JARID2: variants seen among roughly 807,000 people sequenced by gnomAD.
The protein encoded by JARID2 is protein Jumonji.
JARID2 carries 21 observed loss-of-function variants against 125.6 expected under a neutral mutation model. That is an observed-to-expected ratio of 0.17 (90% CI 0.12 to 0.24). The LOEUF is 0.24. Ranked by LOEUF, JARID2 falls within the 10% of genes least tolerant of loss-of-function variation. The probability of loss-of-function intolerance (pLI) is 1.00; values close to 1 mark genes in which losing one functional copy is unlikely to be tolerated. For missense variants in JARID2, 1,303 were observed against 1,639.6 expected, an observed-to-expected ratio of 0.79 and a Z score of 3.55; for synonymous variants, 736 against 661.6, an observed-to-expected ratio of 1.11 and a Z score of -1.73.
rs773817512 is a variant in JARID2 at position 15,496,498 on chromosome 6, C to T, written c.1273C>T (p.Arg425Trp). ...GTCATGCACTAAGGAGGTGGGGGGGCGGCAGCTGCGGGAGGGCCTGCAGCT... is the reference window on the plus strand; with the variant it reads ...GTCATGCACTAAGGAGGTGGGGGGGTGGCAGCTGCGGGAGGGCCTGCAGCT... Reference protein sequence around the residue: ...PKSCTKEVGGRQLREGLQLRE... With the variant: ...PKSCTKEVGGWQLREGLQLRE... The change falls in exon 7 of 18, where the codon CGG becomes TGG. Residue 425 changes from arginine (R) to tryptophan (W), a missense_variant. Transcript: ENST00000341776. 8.7e-6 allele frequency: 14 copies of T among 1,605,268 alleles called. No homozygotes were observed. The highest frequency in any genetic ancestry group is 1.1e-5 in the South Asian group (1 of 90,078).
At chr6:15,431,750 A>G (rs1434004329) in intron 3 of JARID2, among the ~76,000 whole-genome samples, 1 of 152,228 alleles carries the variant, frequency 6.6e-6, no homozygotes, top group African/African-American at 2.4e-5. Flanking sequence ...ATGACCCCAT[A>G]GATTTTTTTC....
intron 1 of JARID2, among the ~76,000 whole-genome samples, chr6:15,317,151 G>T (rs576875835): frequency 3.1e-4 from 47 of 152,242 alleles, no homozygotes; most frequent in African/African-American, 1.0e-3. Context: ...TTTAGCAGTA[G>T]AATTTTTTTT....
chr6:15,434,132 C>T (rs914769950), intron 3 of JARID2, among the ~76,000 whole-genome samples: 5 of 134,568 alleles, frequency 3.7e-5, no homozygotes, highest in African/African-American at 1.2e-4. Context: ...TCACTGTGTT[C>T]CTAACAGTTT....
At chr6:15,476,093 C>T (rs1169516324) in intron 5 of JARID2, among the ~76,000 whole-genome samples, 1 of 152,198 alleles carries the variant, frequency 6.6e-6, no homozygotes, top group Admixed American at 6.5e-5. Flanking sequence ...AATCTAGCAA[C>T]ATCTGTATCC....
rs192138805 is a variant in JARID2 at position 15,415,007 on chromosome 6, G to A, written c.323+4642G>A. 2.3e-3 allele frequency among the ~76,000 whole-genome samples: 357 copies of A among 152,248 alleles called. 1 individual carries two copies. The highest frequency in any genetic ancestry group is 7.8e-3 in the African/African-American group (322 of 41,528). On this transcript the variant is annotated intron_variant, in intron 3 of 17. Transcript: ENST00000341776. ...CCTGGGTACTTGAGATTAGGGAGTG[G>A]TGATGACTCTTAACGAGCATGCTGC...
chr6:15,319,566 T>G (rs1762285282), intron 1 of JARID2, among the ~76,000 whole-genome samples: 1 of 152,062 alleles, frequency 6.6e-6, no homozygotes, highest in Admixed American at 6.5e-5. Flanking sequence ...CCCTGCCAAT[T>G]TTTTTGTGTA....
chr6:15,363,828 T>C (rs1763881971), intron 1 of JARID2, among the ~76,000 whole-genome samples: 1 of 152,114 alleles, frequency 6.6e-6, no homozygotes, highest in Admixed American at 6.5e-5. Flanking sequence ...ATACCTGTAA[T>C]GAAAGGGTGC....
chr6:15,280,989 T>C (rs1480230831), intron 1 of JARID2, among the ~76,000 whole-genome samples: 4 of 152,182 alleles, frequency 2.6e-5, no homozygotes, highest in African/African-American at 7.2e-5. Context: ...CAAAATACGC[T>C]TGCGTTATTA....
At chr6:15,344,829 TA>T (rs1254586518) in intron 1 of JARID2, among the ~76,000 whole-genome samples, 3 of 152,170 alleles carry the variant, frequency 2.0e-5, no homozygotes, top group Non-Finnish European at 4.4e-5. Flanking sequence ...GCTTATTCTG[TA>T]AAAATGCTAT....
At chr6:15,305,812 TTAAATAA>T (rs1466824402) in intron 1 of JARID2, among the ~76,000 whole-genome samples, 1 of 152,190 alleles carries the variant, frequency 6.6e-6, no homozygotes, top group Admixed American at 6.5e-5. Context: ...TATTAACTGT[TTAAATAA>T]AGTCCTGTGA....
intron 2 of JARID2, among the ~76,000 whole-genome samples, chr6:15,383,873 C>A (rs756746449): frequency 2.6e-4 from 39 of 152,222 alleles, no homozygotes; most frequent in Non-Finnish European, 5.0e-4. Context: ...TGGCTCACTG[C>A]ACCCTCCGCC....
At chr6:15,422,193 A>T (rs750724861) in intron 3 of JARID2, among the ~76,000 whole-genome samples, 1 of 152,208 alleles carries the variant, frequency 6.6e-6, no homozygotes, top group Non-Finnish European at 1.5e-5. Context: ...AGCTGCTGCA[A>T]GTAGATCTGT....
At chr6:15,272,304 A>G (rs1760328984) in intron 1 of JARID2, among the ~76,000 whole-genome samples, 1 of 152,220 alleles carries the variant, frequency 6.6e-6, no homozygotes, top group South Asian at 2.1e-4. Context: ...CGTTGCCTGC[A>G]TAGTGTTATC....
intron 3 of JARID2, among the ~76,000 whole-genome samples, chr6:15,422,825 ACT>A (rs1766558424): frequency 6.6e-6 from 1 of 151,794 alleles, no homozygotes; most frequent in African/African-American, 2.4e-5. Flanking sequence ...TGCTTATGTG[ACT>A]CTGTTTTGGG....
intron 1 of JARID2, among the ~76,000 whole-genome samples, chr6:15,364,571 A>C (rs1362319934): frequency 6.6e-6 from 1 of 152,204 alleles, no homozygotes; most frequent in East Asian, 1.9e-4. Flanking sequence ...GGAGAGTTGT[A>C]TGAGTGGATG....
chr6:15,306,417 C>G (rs929085736), intron 1 of JARID2, among the ~76,000 whole-genome samples: 2 of 147,818 alleles, frequency 1.4e-5, no homozygotes, highest in Non-Finnish European at 3.0e-5. Context: ...TCACTGCAAC[C>G]TCTGCCTCCT....
chr6:15,471,032 A>C (rs200401086), intron 5 of JARID2, among the ~76,000 whole-genome samples: 1 of 152,202 alleles, frequency 6.6e-6, no homozygotes, highest in East Asian at 1.9e-4. Context: ...TAAAGGAAAA[A>C]ATTATTGTAT....
chr6:15,361,444 G>A (rs1464730801), intron 1 of JARID2, among the ~76,000 whole-genome samples: 1 of 152,098 alleles, frequency 6.6e-6, no homozygotes, highest in African/African-American at 2.4e-5. Context: ...ACACATCACC[G>A]AAGTGTAAAT....
intron 14 of JARID2, 79 bp downstream of exon 14, chr6:15,512,469 C>CTT: frequency 7.7e-6 from 10 of 1,304,170 alleles, no homozygotes; most frequent in Non-Finnish European, 1.1e-5. Flanking sequence ...CAGAAGCATC[C>CTT]CTGCGTGTGC....
Sources: gnomAD v4.1 joint callset for allele counts (sites outside exome capture counted in the v4.1 genomes callset) on GRCh38, gnomAD v4.1.1 for gene constraint, MANE v1.5 for transcripts, NCBI Gene and HGNC (gene_info 2026-07-23, HGNC 2026-07-21) for gene names.